Variants in DNAH17 observed in about 807,000 individuals in gnomAD.
DNAH17 encodes the protein dynein axonemal heavy chain 17, also known as axonemal beta dynein heavy chain 17.
DNAH17 carries 376 observed loss-of-function variants against 485.6 expected under a neutral mutation model. That is an observed-to-expected ratio of 0.77 (90% CI 0.71 to 0.84). The LOEUF (loss-of-function observed/expected upper bound fraction) is 0.84, where lower values mean the gene tolerates loss of function less well. Among genes scored for constraint, DNAH17 ranks in the 40% least tolerant of loss-of-function variants. DNAH17 has a pLI of 0.00. For missense variants in DNAH17, 6,370 were observed against 5,839.3 expected (o/e 1.09, Z -2.96); for synonymous variants, 3,031 against 2,405.9 (o/e 1.26, Z -7.60).
At position 78,446,926 on chromosome 17, in the gene DNAH17, G is replaced by A. The variant is rs200928108; in HGVS notation, c.11212-1246C>T. 8.5e-5 allele frequency among the ~76,000 whole-genome samples: 13 copies of A among 152,316 alleles called. No homozygotes were observed. In the East Asian group the frequency reaches 2.5e-3, roughly 29 times the overall value. On this transcript the variant is annotated intron_variant, in intron 69 of 80. Coordinates refer to ENST00000389840, the MANE Select transcript of DNAH17 (RefSeq NM_173628.4). ...CCCAACGTACCAGGATTACAGGTGA[G>A]AGCCACTGTGCCCGGCCTTGTTGTC...
intron 15 of DNAH17, 96 bp downstream of exon 15, chr17:78,552,601 G>T: frequency 1.2e-6 from 1 of 801,542 alleles, no homozygotes; most frequent in East Asian, 2.5e-5. Flanking sequence ...ACAGCCAGGA[G>T]GCAGAAGTGA....
chr17:78,429,839 T>C (rs546378022), intron 75 of DNAH17, among the ~76,000 whole-genome samples: 1 of 152,268 alleles, frequency 6.6e-6, no homozygotes, highest in Non-Finnish European at 1.5e-5. Flanking sequence ...GAGTCTCCCT[T>C]CCACCCTGTG....
chr17:78,480,177 CG>C (rs1371355457), intron 49 of DNAH17, among the ~76,000 whole-genome samples: 1 of 151,612 alleles, frequency 6.6e-6, no homozygotes, highest in Non-Finnish European at 1.5e-5. Flanking sequence ...GGTGAAACCC[CG>C]TCCCTACTAA....
chr17:78,426,788 G>A, intron 78 of DNAH17, 138 bp downstream of exon 78: 3 of 1,294,918 alleles, frequency 2.3e-6, no homozygotes, highest in Admixed American at 2.3e-5. Context: ...GGCTTGTTCT[G>A]GAACTGCCAG....
At chr17:78,564,756 G>A (rs893591129) in intron 11 of DNAH17, among the ~76,000 whole-genome samples, 1 of 152,108 alleles carries the variant, frequency 6.6e-6, no homozygotes, top group Non-Finnish European at 1.5e-5. Flanking sequence ...CTCAAATCCA[G>A]TGCCTGACCT....
chr17:78,450,480 C>T (rs984717272), intron 67 of DNAH17, 86 bp from the exon 68 acceptor site: 1 of 1,548,702 alleles, frequency 6.5e-7, no homozygotes, highest in Non-Finnish European at 8.7e-7. Context: ...ACCAGCCTCG[C>T]TCCCTGGGAA....
Position 78,570,856 on chromosome 17 carries a change from C to CAAAAAAAAAAA in DNAH17, c.918+81_918+91dup, listed in dbSNP as rs60897530. On this transcript the variant is annotated intron_variant, in intron 6 of 80. Coordinates refer to ENST00000389840, the MANE Select transcript of DNAH17 (RefSeq NM_173628.4). The stretch of plus-strand genomic sequence containing the variant: ...CTGGTGACAGAGCGAGACTCCCTCT[C>CAAAAAAAAAAA]AAAAAAAAAAAAAAAAAAAAAAGAA... The CAAAAAAAAAAA allele has an allele frequency of 3.6e-4, 105 of 291,964 alleles. 1 individual carries two copies. The highest frequency in any genetic ancestry group is 1.4e-3 in the Admixed American group (12 of 8,388). 18.1% of individuals were successfully genotyped at this position (291,964 alleles called of 1,614,324 possible).
intron 16 of DNAH17, 85 bp from the exon 17 acceptor site, chr17:78,544,082 A>G: frequency 6.3e-7 from 1 of 1,583,192 alleles, no homozygotes; most frequent in Non-Finnish European, 8.6e-7. Context: ...TTTTGATGTG[A>G]GTTTCGTCAC....
chr17:78,571,456 C>A, intron 4 of DNAH17, 78 bp from the exon 5 acceptor site: 1 of 1,479,064 alleles, frequency 6.8e-7, no homozygotes, highest in Non-Finnish European at 9.4e-7. Flanking sequence ...TTGTGGCTGG[C>A]TGGAGCTGCA....
In DNAH17 at chr17:78,563,077, T is replaced by C. The variant is rs111330114; in HGVS notation, c.1570-1097A>G. On this transcript the variant is annotated intron_variant, in intron 11 of 80. Transcript: ENST00000389840. ...GGCCACAGGAGGAAAAACCAAAACA[T>C]GACTGCGAAGAGAGGGAGATTTTTC... Among the ~76,000 whole-genome samples the C allele has an allele frequency of 6.0e-3, 921 of 152,292 alleles. 5 individuals carry two copies. The highest frequency in any genetic ancestry group is 0.021 in the African/African-American group (889 of 41,546).
At chr17:78,532,274 G>A (rs578072494) in intron 20 of DNAH17, among the ~76,000 whole-genome samples, 2 of 152,298 alleles carry the variant, frequency 1.3e-5, no homozygotes, top group Admixed American at 6.5e-5. Flanking sequence ...GCTACCCCGT[G>A]CAGGCCTGTG....
At chr17:78,548,491 A>G (rs947769268) in intron 16 of DNAH17, among the ~76,000 whole-genome samples, 2 of 152,184 alleles carry the variant, frequency 1.3e-5, no homozygotes, top group Admixed American at 6.5e-5. Flanking sequence ...CGCATGAGCC[A>G]CTGCACCCGG....
chr17:78,464,108 G>A (rs778865836), intron 56 of DNAH17, among the ~76,000 whole-genome samples: 2 of 152,204 alleles, frequency 1.3e-5, no homozygotes, highest in Non-Finnish European at 2.9e-5. Context: ...AACTGGATAT[G>A]TGTTCAAAAG....
chr17:78,485,380 C>G (rs999980292), intron 47 of DNAH17, among the ~76,000 whole-genome samples, 170 bp downstream of exon 47: 2 of 152,022 alleles, frequency 1.3e-5, no homozygotes, highest in Non-Finnish European at 2.9e-5. Flanking sequence ...GTCCCGGCTG[C>G]TCCTCCTCTG....
chr17:78,576,725 T>C (rs1416624406), intron 1 of DNAH17, among the ~76,000 whole-genome samples: 1 of 152,202 alleles, frequency 6.6e-6, no homozygotes, highest in Non-Finnish European at 1.5e-5. Flanking sequence ...GGTTTACTGA[T>C]TTTGTGGATT....
chr17:78,554,436 CAAAAA>C lies in DNAH17; in HGVS notation c.2179-1636_2179-1632del, dbSNP rs55701739. 1.6e-3 allele frequency among the ~76,000 whole-genome samples: 52 copies of C among 32,222 alleles called. 3 individuals are homozygous for C. Among genetic ancestry groups the C allele is most frequent in the East Asian group, 5.6e-3 (4 of 712 alleles). The allele number at this position is 32,222 out of a possible 152,430, so 21.1% of individuals were successfully genotyped here. On this transcript the variant is annotated intron_variant, in intron 14 of 80. Transcript: ENST00000389840. ...TGGACAATAGAATGAGACTCTGTCT[CAAAAA>C]AAAAAAAAAAAAAAAAAAAAAAAAA...
At chr17:78,532,419 C>T (rs773459793) in intron 20 of DNAH17, 63 bp downstream of exon 20, 10 of 1,526,244 alleles carry the variant, frequency 6.6e-6, no homozygotes, top group Middle Eastern at 2.4e-4. Flanking sequence ...TAAAGCAAGC[C>T]TGGTGATCCT....
intron 20 of DNAH17, among the ~76,000 whole-genome samples, chr17:78,531,325 CAT>C (rs2091230956): frequency 1.4e-5 from 2 of 147,800 alleles, no homozygotes; most frequent in South Asian, 2.2e-4. Context: ...CTGTTTGTGA[CAT>C]AAAGTCTGTC....
Position 78,560,906 on chromosome 17 carries a change from G to A in DNAH17, c.1865C>T (p.Thr622Ile), listed in dbSNP as rs2143647754. The A allele has an allele frequency of 6.4e-7, 1 of 1,550,808 alleles. No individual in the cohort carries two copies. Among genetic ancestry groups the A allele is most frequent in the East Asian group, 2.4e-5 (1 of 40,908 alleles). The change falls in exon 13 of 81, where the codon ACC becomes ATC. Residue 622 changes from threonine (T) to isoleucine (I), a missense_variant. Coordinates refer to ENST00000389840, the MANE Select transcript of DNAH17 (RefSeq NM_173628.4). ...CATCATCTCGTCATACTTCTGATAG[G>A]TCAGCTTGGCCTCTGCTCCAGACAT... ...PVMSGAEAKL[T>I]YQKYDEMMEL...
Sources: allele counts gnomAD v4.1 joint callset (sites outside exome capture counted in the v4.1 genomes callset), GRCh38; gene constraint gnomAD v4.1.1; transcripts MANE v1.5; gene names NCBI Gene and HGNC (gene_info 2026-07-23, HGNC 2026-07-21).